MYO19: variants seen among roughly 807,000 people sequenced by gnomAD.
The protein encoded by MYO19 is myosin XIX.
In MYO19, 132 loss-of-function variants were observed where a neutral mutation model predicts 129.2. That is an observed-to-expected ratio of 1.02 (90% CI 0.89 to 1.18). MYO19 has a LOEUF of 1.18. MYO19 is among the 50% of genes most tolerant of loss of function. The pLI, the probability that MYO19 is intolerant of heterozygous loss-of-function variation, is 0.00. For missense variants in MYO19, 1,210 were observed against 1,216.7 expected, an observed-to-expected ratio of 0.99 and a Z score of 0.08; for synonymous variants, 531 against 477.2, an observed-to-expected ratio of 1.11 and a Z score of -1.47.
At chr17:36,497,589 CTTTT>C in intron 25 of MYO19, 2 of 818,404 alleles carry the variant, frequency 2.4e-6, no homozygotes, top group Non-Finnish European at 2.9e-6. Context: ...CTAAACCAAA[CTTTT>C]TTTTTTTTTT....
intron 20 of MYO19, 111 bp from the exon 21 acceptor site, chr17:36,503,311 G>A (rs1599237888): frequency 2.3e-6 from 2 of 853,248 alleles, no homozygotes; most frequent in East Asian, 4.9e-5. Flanking sequence ...ACACAGCACG[G>A]TGCTGCCCTC....
Position 36,501,372 on chromosome 17 carries a change from T to C in MYO19, c.2081-137A>G, listed in dbSNP as rs1294981506. ...CTTGGCTCTAGCCATTTTCTCCTTGTTCTTCTTTTGGAGGAAGCCACAAAC... is the reference window on the plus strand; with the variant it reads ...CTTGGCTCTAGCCATTTTCTCCTTGCTCTTCTTTTGGAGGAAGCCACAAAC... On this transcript the variant is annotated intron_variant, in intron 21 of 25. Coordinates refer to ENST00000614623, the MANE Select transcript of MYO19 (RefSeq NM_001163735.2). The C allele has an allele frequency of 1.1e-5, 10 of 936,414 alleles. No individual in the cohort carries two copies. In the South Asian group the frequency reaches 1.4e-4, roughly 13 times the overall value. 58.0% of individuals were successfully genotyped at this position (936,414 alleles called of 1,614,324 possible). A position where few individuals can be genotyped will look rare whatever the true frequency, so the allele number is the denominator to read the frequency against.
rs528514298 is a variant in MYO19 at position 36,496,211 on chromosome 17, G to C, written c.*40C>G. 1.5e-5 allele frequency: 24 copies of C among 1,609,506 alleles called. No homozygotes were observed. The South Asian group carries it at 2.4e-4, about 16-fold the overall frequency. ...TGATTAAATGTCTTTGGCAAGGCAGGGGGCAGGAAAAGGCCTTGTGGAAAC... is the reference window on the plus strand; with the variant it reads ...TGATTAAATGTCTTTGGCAAGGCAGCGGGCAGGAAAAGGCCTTGTGGAAAC... On this transcript the variant is annotated 3_prime_UTR_variant, in exon 26 of 26. Transcript: ENST00000614623.
intron 2 of MYO19, among the ~76,000 whole-genome samples, chr17:36,541,021 C>A (rs1251916215): frequency 3.3e-5 from 5 of 151,998 alleles, no homozygotes; most frequent in Non-Finnish European, 7.4e-5. Flanking sequence ...CGCAGTCTTG[C>A]TCTGTTACCC....
chr17:36,511,489 G>A, intron 11 of MYO19, 34 bp from the exon 12 acceptor site: 1 of 1,543,942 alleles, frequency 6.5e-7, no homozygotes. Flanking sequence ...GGGAGTAGGA[G>A]AGGGCGTGAC....
At chr17:36,521,097 C>T (rs757184548) in intron 6 of MYO19, among the ~76,000 whole-genome samples, 1 of 152,098 alleles carries the variant, frequency 6.6e-6, no homozygotes, top group Non-Finnish European at 1.5e-5. Flanking sequence ...TAGTTTCCAC[C>T]TATCTGCTGA....
At chr17:36,538,376 A>G (rs1477146938), upstream of MYO19, 1 of 1,614,006 alleles carries the variant, frequency 6.2e-7, no homozygotes, top group Admixed American at 1.7e-5. Flanking sequence ...AGCATTCAGA[A>G]TCTCTAGTCC....
rs2071902790 is a variant in MYO19 at position 36,506,560 on chromosome 17, G to A, written c.1693C>T (p.Pro565Ser). The A allele has an allele frequency of 6.3e-7, 1 of 1,574,816 alleles. No homozygotes were observed. The highest frequency in any genetic ancestry group is 1.9e-5 in the Admixed American group (1 of 51,316). The stretch of plus-strand genomic sequence containing the variant: ...GTAGGAAACAGCCCCATGAGCAGGG[G>A]GTCCTGGGATTGCTGCAGGAGCCTG... ...LTRLLQQSQD[P>S]LLMGLFPTNP... is the part of the protein sequence containing the mutation. The change falls in exon 18 of 26, where the codon CCC becomes TCC. Residue 565 changes from proline to serine, a missense_variant. Transcript: ENST00000614623.
At chr17:36,498,949 CAGAG>C in intron 24 of MYO19, 122 bp downstream of exon 24, 3 of 715,418 alleles carry the variant, frequency 4.2e-6, no homozygotes, top group Non-Finnish European at 7.2e-6. Context: ...ATATGAGGCT[CAGAG>C]AGGCTAAACA....
chr17:36,527,930 T>C (rs1320728722), intron 4 of MYO19, 134 bp downstream of exon 4: 12 of 1,301,204 alleles, frequency 9.2e-6, no homozygotes, highest in African/African-American at 3.0e-5. Flanking sequence ...CAGGCGGAGG[T>C]CTGGAGCAGC....
upstream of MYO19, chr17:36,537,420 C>CT: frequency 6.2e-7 from 1 of 1,614,174 alleles, no homozygotes; most frequent in Non-Finnish European, 8.5e-7. Flanking sequence ...CTATGCCAGA[C>CT]TGCCTTTCCT....
chr17:36,537,004 C>A, upstream of MYO19: 2 of 1,138,408 alleles, frequency 1.8e-6, no homozygotes, highest in Non-Finnish European at 1.2e-6. Flanking sequence ...GCTCTGAAAT[C>A]TAGTAATAAG....
At chr17:36,502,374 T>C (rs981431558) in intron 21 of MYO19, among the ~76,000 whole-genome samples, 3 of 152,150 alleles carry the variant, frequency 2.0e-5, no homozygotes, top group Non-Finnish European at 4.4e-5. Flanking sequence ...CTGAACCTCT[T>C]TTCCTCTTGC....
intron 1 of MYO19, among the ~76,000 whole-genome samples, chr17:36,534,452 C>A (rs1052930090): frequency 6.6e-6 from 1 of 152,176 alleles, no homozygotes; most frequent in African/African-American, 2.4e-5. Context: ...GACCAGCCGC[C>A]CCCTCCCGGG....
At chr17:36,522,517 GA>G (rs200124922) in intron 6 of MYO19, among the ~76,000 whole-genome samples, 4,600 of 137,574 alleles carry the variant, frequency 0.033, 156 homozygotes, top group East Asian at 0.1. Flanking sequence ...TCAAAAAAAA[GA>G]AAAAAAAAAA....
intron 18 of MYO19, 67 bp downstream of exon 18, chr17:36,506,389 G>A: frequency 1.3e-6 from 2 of 1,597,834 alleles, no homozygotes; most frequent in South Asian, 2.2e-5. Context: ...CCCGGCAGGT[G>A]CTCAATAAAT....
At chr17:36,508,820 T>C in intron 14 of MYO19, 2 of 537,524 alleles carry the variant, frequency 3.7e-6, no homozygotes, top group Non-Finnish European at 6.6e-6. Context: ...AAGGGCTCTT[T>C]CAGACAAGGC....
Position 36,501,083 on chromosome 17 carries a change from T to C in MYO19, c.2233A>G (p.Met745Val). 1 of 1,613,214 alleles carries C rather than the reference T, an allele frequency of 6.2e-7. No individual in the cohort carries two copies. Among genetic ancestry groups the C allele is most frequent in the Middle Eastern group, 1.7e-4 (1 of 6,056 alleles). The change falls in exon 22 of 26, where the codon ATG becomes GTG. Residue 745 changes from methionine (M) to valine (V), a missense_variant. Coordinates refer to ENST00000614623, the MANE Select transcript of MYO19 (RefSeq NM_001163735.2). ...PMHCGRTKVF[M>V]TDSMLELLEC... ...AACCAGCTCACCATAGAGTCAGTCA[T>C]GAACACCTTGGTCCTGCCACAGTGC...
At position 36,504,356 on chromosome 17, in the gene MYO19, G is replaced by T. The variant is rs544680976; in HGVS notation, c.1906-336C>A. 304 of 283,488 alleles carry T rather than the reference G, an allele frequency of 1.1e-3. 1 individual carries two copies. The highest frequency in any genetic ancestry group is 1.8e-3 in the South Asian group (18 of 9,890). 17.6% of individuals were successfully genotyped at this position (283,488 alleles called of 1,614,324 possible). ...CCAGCCCAGGCAAATTTCCAGTTTG[G>T]ATTGTTTTCACTGTCTGCAGGCATT... On this transcript the variant is annotated intron_variant, in intron 19 of 25. Coordinates refer to ENST00000614623, the MANE Select transcript of MYO19 (RefSeq NM_001163735.2).
Sources: gnomAD v4.1 joint callset for allele counts (sites outside exome capture counted in the v4.1 genomes callset) on GRCh38, gnomAD v4.1.1 for gene constraint, MANE v1.5 for transcripts, NCBI Gene and HGNC (gene_info 2026-07-23, HGNC 2026-07-21) for gene names.